SH3RF3: variants seen among roughly 807,000 people sequenced by gnomAD.
SH3RF3 encodes E3 ubiquitin-protein ligase SH3RF3.
SH3RF3 carries 29 observed loss-of-function variants against 66.3 expected under a neutral mutation model. The observed-to-expected ratio is 0.44, with a 90% confidence interval of 0.33 to 0.60. The LOEUF (loss-of-function observed/expected upper bound fraction) is 0.60. SH3RF3 is among the 20% of genes least tolerant of loss of function. The pLI is 0.04. For synonymous variants in SH3RF3, 583 were observed against 532.0 expected (o/e 1.10, Z -1.32); for missense variants, 1,194 against 1,190.9 (o/e 1.00, Z -0.04).
chr2:109,169,503 T>A (rs1396225884), intron 1 of SH3RF3, among the ~76,000 whole-genome samples: 1 of 152,102 alleles, frequency 6.6e-6, no homozygotes, highest in Non-Finnish European at 1.5e-5. Context: ...ATCTCTGCTC[T>A]GTGCTCTCTT....
chr2:109,216,648 T>C (rs1283182268), intron 1 of SH3RF3, among the ~76,000 whole-genome samples: 1 of 152,218 alleles, frequency 6.6e-6, no homozygotes, highest in Non-Finnish European at 1.5e-5. Flanking sequence ...CCACCCTGCA[T>C]GCTCACTGGA....
intron 2 of SH3RF3, among the ~76,000 whole-genome samples, chr2:109,348,241 C>G (rs1180528632): frequency 6.6e-6 from 1 of 152,196 alleles, no homozygotes; most frequent in African/African-American, 2.4e-5. Flanking sequence ...GGAGCAGAAC[C>G]CTCAGTTAAC....
intron 1 of SH3RF3, among the ~76,000 whole-genome samples, chr2:109,146,445 G>A (rs1183610690): frequency 6.6e-6 from 1 of 152,118 alleles, no homozygotes; most frequent in Non-Finnish European, 1.5e-5. Context: ...TCAATTCCGT[G>A]CCAAGAGGCC....
At chr2:109,396,886 T>G (rs1676163038) in intron 3 of SH3RF3, among the ~76,000 whole-genome samples, 2 of 152,256 alleles carry the variant, frequency 1.3e-5, no homozygotes. Context: ...CTGCTGTGGT[T>G]CCCACCTTCG....
chr2:109,401,980 A>G (rs1471368905), intron 4 of SH3RF3, among the ~76,000 whole-genome samples: 1 of 152,192 alleles, frequency 6.6e-6, no homozygotes, highest in Non-Finnish European at 1.5e-5. Context: ...CAGGCTACTG[A>G]CTTTAGTTTG....
chr2:109,313,718 G>C (rs914755511), intron 1 of SH3RF3: 5 of 154,956 alleles, frequency 3.2e-5, no homozygotes, highest in Admixed American at 1.3e-4. Flanking sequence ...TGTAGGTGAT[G>C]GCATGTGCCT....
At chr2:109,143,834 G>GTA (rs1677026846) in intron 1 of SH3RF3, among the ~76,000 whole-genome samples, 1 of 137,738 alleles carries the variant, frequency 7.3e-6, no homozygotes, top group African/African-American at 2.6e-5. Context: ...ACACACACAC[G>GTA]TATATACACA....
intron 1 of SH3RF3, among the ~76,000 whole-genome samples, chr2:109,321,485 T>G (rs1682025808): frequency 1.3e-5 from 2 of 152,284 alleles, no homozygotes; most frequent in African/African-American, 4.8e-5. Flanking sequence ...ATGCTTTGTT[T>G]CCATTTAACA....
intron 1 of SH3RF3, among the ~76,000 whole-genome samples, chr2:109,266,007 A>ATG (rs905220136): frequency 3.3e-5 from 5 of 151,978 alleles, no homozygotes; most frequent in African/African-American, 1.2e-4. Flanking sequence ...TGTCATGTGC[A>ATG]TGTGTGTGTA....
At chr2:109,343,964 A>G (rs760463225) in intron 1 of SH3RF3, among the ~76,000 whole-genome samples, 43 of 151,986 alleles carry the variant, frequency 2.8e-4, no homozygotes, top group Non-Finnish European at 4.3e-4. Context: ...GGCTAGCCTT[A>G]AACTCCTGGC....
At chr2:109,182,532 G>A (rs1318101494) in intron 1 of SH3RF3, among the ~76,000 whole-genome samples, 1 of 152,138 alleles carries the variant, frequency 6.6e-6, no homozygotes, top group Non-Finnish European at 1.5e-5. Context: ...TTTTCTTCCT[G>A]GATGTGCTTG....
intron 1 of SH3RF3, among the ~76,000 whole-genome samples, chr2:109,242,666 A>G (rs911106063): frequency 9.9e-5 from 15 of 152,174 alleles, no homozygotes; most frequent in Non-Finnish European, 1.3e-4. Flanking sequence ...AATTAATCCA[A>G]TGGCTGCTTG....
In SH3RF3 at chr2:109,347,821, G is replaced by T; in HGVS notation, c.721G>T (p.Gly241Cys). The T allele has an allele frequency of 6.2e-7, 1 of 1,613,972 alleles. No homozygotes were observed. The highest frequency in any genetic ancestry group is 1.1e-5 in the South Asian group (1 of 91,072). ...WYHGELHGTQ[G>C]FLPASYIQCI... is the part of the protein sequence containing the mutation. Reference sequence around the variant, plus strand: ...CCACGGCGAGCTGCACGGCACACAGGGCTTCCTCCCAGCCAGCTATATCCA... The same window carrying T: ...CCACGGCGAGCTGCACGGCACACAGTGCTTCCTCCCAGCCAGCTATATCCA... Residue 241 changes from glycine to cysteine, a missense_variant, in exon 2 of 10, where the codon GGC (glycine) becomes TGC (cysteine). Transcript: ENST00000309415.
At chr2:109,399,646 TA>T (rs1237547029) in intron 4 of SH3RF3, among the ~76,000 whole-genome samples, 1 of 152,184 alleles carries the variant, frequency 6.6e-6, no homozygotes, top group Non-Finnish European at 1.5e-5. Flanking sequence ...ATAAAATGAT[TA>T]AAAAAATTTT....
intron 4 of SH3RF3, among the ~76,000 whole-genome samples, chr2:109,411,046 C>G (rs765021163): frequency 6.6e-6 from 1 of 152,182 alleles, no homozygotes; most frequent in African/African-American, 2.4e-5. Context: ...AAAATCAAAG[C>G]AGCATCAGAG....
At chr2:109,158,775 T>C (rs899039859) in intron 1 of SH3RF3, among the ~76,000 whole-genome samples, 1 of 152,212 alleles carries the variant, frequency 6.6e-6, no homozygotes, top group Non-Finnish European at 1.5e-5. Context: ...TCAAAGCAAG[T>C]AGCAATGGCT....
chr2:109,221,112 T>C (rs1279320174), intron 1 of SH3RF3, among the ~76,000 whole-genome samples: 1 of 152,198 alleles, frequency 6.6e-6, no homozygotes, highest in East Asian at 1.9e-4. Flanking sequence ...ATGGATGAAC[T>C]TTGAAGTCAT....
At chr2:109,223,402 G>T (rs376056148) in intron 1 of SH3RF3, among the ~76,000 whole-genome samples, 9 of 152,192 alleles carry the variant, frequency 5.9e-5, no homozygotes, top group Non-Finnish European at 1.0e-4. Flanking sequence ...CCGTGTGCTC[G>T]CTGTGATGGA....
chr2:109,216,624 A>G (rs1480442568), intron 1 of SH3RF3, among the ~76,000 whole-genome samples: 2 of 152,202 alleles, frequency 1.3e-5, no homozygotes, highest in African/African-American at 4.8e-5. Context: ...CATGCTCTGT[A>G]GGCTGATGGG....
Sources: gnomAD v4.1 joint callset for allele counts (sites outside exome capture counted in the v4.1 genomes callset) on GRCh38, gnomAD v4.1.1 for gene constraint, MANE v1.5 for transcripts, NCBI Gene and HGNC (gene_info 2026-07-23, HGNC 2026-07-21) for gene names.